RBFOX1: variants seen among roughly 807,000 people sequenced by gnomAD.
RBFOX1 encodes the protein RNA binding fox-1 homolog 1.
In RBFOX1, 8 loss-of-function variants were observed where a neutral mutation model predicts 57.7. That is an observed-to-expected ratio of 0.14 (90% confidence interval 0.08 to 0.25). The LOEUF is 0.25. RBFOX1 is among the 10% of genes least tolerant of loss of function. RBFOX1 has a pLI of 1.00. For missense variants in RBFOX1, 611 were observed against 548.5 expected, an observed-to-expected ratio of 1.11 and a Z score of -1.14; for synonymous variants, 326 against 222.4, an observed-to-expected ratio of 1.47 and a Z score of -4.15.
At position 6,542,958 on chromosome 16, in the gene RBFOX1, G is replaced by A. The variant is rs775790152; in HGVS notation, c.-63-111645G>A. On this transcript the variant is annotated intron_variant, in intron 2 of 15. Transcript: ENST00000550418. ...GAAGGGGCGTCTGTCTTCACAGTGC[G>A]GCATCACTCTTATCCTGGATGCCCT... Among the ~76,000 whole-genome samples the A allele has an allele frequency of 4.6e-5, 7 of 151,980 alleles. No homozygotes were observed. In the East Asian group the frequency reaches 5.8e-4, roughly 13 times the overall value.
intron 4 of RBFOX1, among the ~76,000 whole-genome samples, chr16:7,187,457 A>G (rs1349529657): frequency 5.9e-5 from 9 of 151,626 alleles, no homozygotes; most frequent in Non-Finnish European, 1.0e-4. Flanking sequence ...TGAGAGGCCA[A>G]GGCGGGCTAA....
chr16:5,678,362 C>T (rs1044747963), intron 3 of RBFOX1, among the ~76,000 whole-genome samples: 3 of 152,202 alleles, frequency 2.0e-5, no homozygotes, highest in Non-Finnish European at 4.4e-5. Flanking sequence ...GTTGAACAAA[C>T]AAGTATTCGT....
intron 4 of RBFOX1, among the ~76,000 whole-genome samples, chr16:7,184,081 T>C (rs528613231): frequency 3.3e-5 from 5 of 152,046 alleles, no homozygotes; most frequent in Non-Finnish European, 5.9e-5. Context: ...GCAGGATTGG[T>C]GAGAAGAGCC....
intron 1 of RBFOX1, among the ~76,000 whole-genome samples, chr16:5,382,605 T>C (rs985914657): frequency 6.6e-6 from 1 of 152,252 alleles, no homozygotes; most frequent in Non-Finnish European, 1.5e-5. Flanking sequence ...TTTAAGGTTC[T>C]AGTAGATGTA....
At chr16:5,483,207 A>G (rs2069606734) in intron 2 of RBFOX1, among the ~76,000 whole-genome samples, 2 of 152,180 alleles carry the variant, frequency 1.3e-5, no homozygotes, top group Admixed American at 1.3e-4. Context: ...GATTTCCACA[A>G]TGGGATAGAG....
chr16:7,260,171 A>G (rs951244247), intron 4 of RBFOX1, among the ~76,000 whole-genome samples: 1 of 152,236 alleles, frequency 6.6e-6, no homozygotes, highest in Admixed American at 6.5e-5. Flanking sequence ...AAATCAAACC[A>G]AGACTTTCAT....
intron 4 of RBFOX1, among the ~76,000 whole-genome samples, chr16:7,069,079 C>T (rs993131787): frequency 5.3e-5 from 8 of 152,314 alleles, no homozygotes; most frequent in African/African-American, 1.9e-4. Flanking sequence ...ATGTCTGTAG[C>T]AGATGGCATC....
chr16:6,125,513 G>A (rs1209148595), intron 1 of RBFOX1, among the ~76,000 whole-genome samples: 1 of 152,160 alleles, frequency 6.6e-6, no homozygotes, highest in Non-Finnish European at 1.5e-5. Flanking sequence ...CTAAACTGAG[G>A]ATAACCCTTG....
At chr16:6,970,430 C>G (rs1182072748) in intron 3 of RBFOX1, among the ~76,000 whole-genome samples, 2 of 152,176 alleles carry the variant, frequency 1.3e-5, no homozygotes, top group Non-Finnish European at 2.9e-5. Flanking sequence ...GCTGCTACAT[C>G]AAGATACCTT....
intron 4 of RBFOX1, among the ~76,000 whole-genome samples, chr16:7,132,600 A>G (rs2070792131): frequency 6.7e-6 from 1 of 149,170 alleles, no homozygotes; most frequent in South Asian, 2.1e-4. Context: ...AACTATTTGT[A>G]AAGCTGAAAA....
At chr16:6,624,962 T>C (rs905962941) in intron 2 of RBFOX1, among the ~76,000 whole-genome samples, 2 of 151,792 alleles carry the variant, frequency 1.3e-5, no homozygotes, top group African/African-American at 4.8e-5. Flanking sequence ...GTCAGGAGTT[T>C]GAGACCAGCC....
intron 1 of RBFOX1, among the ~76,000 whole-genome samples, chr16:5,434,287 G>T (rs970495260): frequency 1.3e-5 from 2 of 149,202 alleles, no homozygotes; most frequent in African/African-American, 5.0e-5. Context: ...CCAGACACAC[G>T]CATCAGAGGG....
chr16:7,708,608 C>T (rs1249945393), intron 14 of RBFOX1, among the ~76,000 whole-genome samples: 1 of 152,204 alleles, frequency 6.6e-6, no homozygotes, highest in Non-Finnish European at 1.5e-5. Context: ...GACAGGTTCA[C>T]TTCACCCTTT....
chr16:5,501,188 G>C (rs2151697792), intron 2 of RBFOX1, among the ~76,000 whole-genome samples: 1 of 151,578 alleles, frequency 6.6e-6, no homozygotes, highest in East Asian at 1.9e-4. Context: ...TGTGGTGGTG[G>C]GTGCCTGTAA....
chr16:6,824,997 T>G (rs1444706549), intron 3 of RBFOX1, among the ~76,000 whole-genome samples: 1 of 110,650 alleles, frequency 9.0e-6, no homozygotes, highest in Non-Finnish European at 1.8e-5. Flanking sequence ...TTTTTTTTTT[T>G]TTTTTTTTTT....
chr16:7,033,046 C>T (rs750862517), intron 3 of RBFOX1, among the ~76,000 whole-genome samples: 1 of 152,136 alleles, frequency 6.6e-6, no homozygotes, highest in South Asian at 2.1e-4. Context: ...AGACTGTCCA[C>T]TAGCCCTGTC....
intron 3 of RBFOX1, among the ~76,000 whole-genome samples, chr16:6,992,987 G>T (rs113050926): frequency 6.6e-6 from 1 of 152,116 alleles, no homozygotes; most frequent in African/African-American, 2.4e-5. Context: ...ACATAAAGCC[G>T]AGAGCCTGAC....
intron 2 of RBFOX1, among the ~76,000 whole-genome samples, chr16:6,611,302 A>ACGCCTGG (rs2098047944): frequency 6.6e-6 from 1 of 151,972 alleles, no homozygotes; most frequent in Admixed American, 6.6e-5. Flanking sequence ...GCACACCACC[A>ACGCCTGG]CGCCTGGCTA....
intron 2 of RBFOX1, among the ~76,000 whole-genome samples, chr16:6,643,054 C>T (rs1408409310): frequency 6.6e-6 from 1 of 152,162 alleles, no homozygotes; most frequent in East Asian, 1.9e-4. Flanking sequence ...CTCTGCCACG[C>T]TGAACCTTCT....
Sources: allele counts gnomAD v4.1 joint callset (sites outside exome capture counted in the v4.1 genomes callset), GRCh38; gene constraint gnomAD v4.1.1; transcripts MANE v1.5; gene names NCBI Gene and HGNC (gene_info 2026-07-23, HGNC 2026-07-21).